Variants in DLC1 observed in about 807,000 individuals in gnomAD.
DLC1 encodes the protein DLC1 Rho GTPase activating protein, also known as rho GTPase-activating protein 7.
Under a neutral mutation model 140.3 loss-of-function variants are expected in DLC1, and 54 were observed. The ratio of observed to expected loss-of-function variants is 0.38; its 90% CI spans 0.31 to 0.48. The LOEUF (loss-of-function observed/expected upper bound fraction) is 0.48. Among genes scored for constraint, DLC1 ranks in the 20% least tolerant of loss-of-function variants. The pLI is 0.96. For missense variants in DLC1, 2,536 were observed against 1,907.0 expected (o/e 1.33, Z -6.14); for synonymous variants, 986 against 728.1 (o/e 1.35, Z -5.70).
chr8:13,579,245 C>CATACATATATATATATATATATATATAT lies in DLC1; in HGVS notation c.-126+25291_-126+25292insATATATATATATATATATATATATGTAT, dbSNP rs1554546967. Among the ~76,000 whole-genome samples the CATACATATATATATATATATATATATAT allele has an allele frequency of 2.6e-4, 5 of 18,896 alleles. 1 individual carries two copies. The highest frequency in any genetic ancestry group is 2.0e-3 in the East Asian group (1 of 488). 12.4% of individuals were successfully genotyped at this position (18,896 alleles called of 152,430 possible). On this transcript the variant is annotated intron_variant, in intron 1 of 1. Coordinates refer to the DLC1 transcript ENST00000631382. ...GGAGCTCTAATTGAGGAACAGGGAGCATATATATATATATATATATATATG... is the reference window on the plus strand; with the variant it reads ...GGAGCTCTAATTGAGGAACAGGGAGCATACATATATATATATATATATATATATATATATATATATATATATATATATG...
chr8:13,393,553 C>T lies in DLC1; in HGVS notation c.1314G>A (p.Thr438=), dbSNP rs376034663. The T allele has an allele frequency of 6.8e-6, 11 of 1,613,312 alleles. No individual in the cohort carries two copies. The highest frequency in any genetic ancestry group is 1.1e-5 in the South Asian group (1 of 90,954). ...CTCTCTGTTATTATTTAGAACTCACCGTAGTCTTGGGTTTGGTTCCAGAAT... is the reference window on the plus strand; with the variant it reads ...CTCTCTGTTATTATTTAGAACTCACTGTAGTCTTGGGTTTGGTTCCAGAAT... ...VANSGTKPKT[T]AIQGISEKEK... Residue 438 remains threonine, a splice_region_variant and synonymous_variant, in exon 4 of 18, where the codon ACG becomes ACA. Coordinates refer to ENST00000276297, the MANE Select transcript of DLC1 (RefSeq NM_182643.3).
intron 5 of DLC1, among the ~76,000 whole-genome samples, chr8:13,162,640 A>G (rs1824795985): frequency 6.6e-6 from 1 of 152,124 alleles, no homozygotes; most frequent in African/African-American, 2.4e-5. Flanking sequence ...TACAGTTTTA[A>G]ACAACTGGGT....
intron 6 of DLC1, among the ~76,000 whole-genome samples, 174 bp downstream of exon 6, chr8:13,115,412 C>T (rs1013862049): frequency 1.3e-5 from 2 of 151,980 alleles, no homozygotes; most frequent in African/African-American, 4.8e-5. Flanking sequence ...GGGCGTGTTA[C>T]CAAGGTGCTA....
intron 5 of DLC1, among the ~76,000 whole-genome samples, chr8:13,248,527 G>A (rs1829862197): frequency 6.6e-6 from 1 of 152,090 alleles, no homozygotes; most frequent in Non-Finnish European, 1.5e-5. Context: ...CTAGCCTTTT[G>A]TTCATATACT....
intron 10 of DLC1, chr8:13,095,992 C>T (rs1818468555): frequency 6.6e-6 from 1 of 152,192 alleles, no homozygotes; most frequent in Non-Finnish European, 1.5e-5. Flanking sequence ...CCCCAGGCTC[C>T]CTGGTGTCCT....
chr8:13,579,736 G>A lies in DLC1; in HGVS notation c.-126+24801C>T, dbSNP rs183833778. Among the ~76,000 whole-genome samples the A allele has an allele frequency of 6.7e-5, 10 of 149,576 alleles. No individual in the cohort carries two copies. The East Asian group carries it at 7.8e-4, about 12-fold the overall frequency. ...TTAGAGATTATTTTGGAGCAATAGC[G>A]GCTTAGGTAGCAGCAGCAGCAAAAA... On this transcript the variant is annotated intron_variant, in intron 1 of 1. Coordinates refer to the DLC1 transcript ENST00000631382.
At chr8:13,369,032 G>C (rs2117107799) in intron 4 of DLC1, among the ~76,000 whole-genome samples, 1 of 152,212 alleles carries the variant, frequency 6.6e-6, no homozygotes, top group African/African-American at 2.4e-5. Flanking sequence ...ATGTTGGTCA[G>C]GCTGGTCTCA....
intron 6 of DLC1, among the ~76,000 whole-genome samples, chr8:13,113,645 G>C (rs149071387): frequency 6.6e-6 from 1 of 152,248 alleles, no homozygotes; most frequent in African/African-American, 2.4e-5. Context: ...TGCCAATGCA[G>C]TTGTCTTTCC....
At chr8:13,172,959 A>C (rs1197466844) in intron 5 of DLC1, among the ~76,000 whole-genome samples, 1 of 152,192 alleles carries the variant, frequency 6.6e-6, no homozygotes, top group East Asian at 1.9e-4. Context: ...GGGTAACCAA[A>C]AAGTCATTAG....
chr8:13,382,650 A>C (rs181621088), intron 4 of DLC1, among the ~76,000 whole-genome samples: 1 of 152,184 alleles, frequency 6.6e-6, no homozygotes, highest in Non-Finnish European at 1.5e-5. Context: ...TGATACTACA[A>C]TAAAGAAACA....
At chr8:13,580,489 G>C (rs536620044) in intron 1 of DLC1, among the ~76,000 whole-genome samples, 2 of 152,092 alleles carry the variant, frequency 1.3e-5, no homozygotes, top group Non-Finnish European at 2.9e-5. Context: ...TGCCAGAAGG[G>C]GGCACAGACA....
At position 13,100,478 on chromosome 8, in the gene DLC1, G is replaced by T. The variant is rs1030667853; in HGVS notation, c.1859C>A (p.Ser620Tyr). 1 of 1,613,182 alleles carries T rather than the reference G, an allele frequency of 6.2e-7. No homozygotes were observed. Among genetic ancestry groups the T allele is most frequent in the Admixed American group, 1.7e-5 (1 of 60,030 alleles). Reference protein sequence around the residue: ...SEDAATPRTNSVISVCSSSNL... With the variant: ...SEDAATPRTNYVISVCSSSNL... ...GCTGGAGGAGCAAACGCTGATGACGGAGTTAGTCCGGGGGGTGGCAGCATC... is the reference window on the plus strand; with the variant it reads ...GCTGGAGGAGCAAACGCTGATGACGTAGTTAGTCCGGGGGGTGGCAGCATC... Residue 620 changes from serine to tyrosine, a missense_variant, in exon 9 of 18, where the codon TCC becomes TAC. Transcript: ENST00000276297.
intron 16 of DLC1, among the ~76,000 whole-genome samples, chr8:13,087,056 T>C (rs924924874): frequency 5.3e-5 from 8 of 152,200 alleles, no homozygotes; most frequent in Non-Finnish European, 8.8e-5. Context: ...TTTGCTCTTT[T>C]GCTCTCCCTT....
At chr8:13,409,373 G>C (rs943061384) in intron 2 of DLC1, among the ~76,000 whole-genome samples, 1 of 151,968 alleles carries the variant, frequency 6.6e-6, no homozygotes, top group Non-Finnish European at 1.5e-5. Flanking sequence ...AGCTTGTTTT[G>C]GTCTCTCAAA....
In DLC1 at chr8:13,228,292, T is replaced by TAA. The variant is rs1233874177; in HGVS notation, c.1348+76975_1348+76976dup. ...TTCTTTTTAAGGAGTTTCCCATTCA[T>TAA]AAAAAAAAAAAAAGGAAATACACAC... On this transcript the variant is annotated intron_variant, in intron 5 of 17. Transcript: ENST00000276297. Among the ~76,000 whole-genome samples the TAA allele has an allele frequency of 1.7e-4, 18 of 108,360 alleles. 1 individual carries two copies. The highest frequency in any genetic ancestry group is 2.8e-4 in the South Asian group (1 of 3,584). The allele number at this position is 108,360 out of a possible 152,430, so 71.1% of individuals were successfully genotyped here. A position where few individuals can be genotyped will look rare whatever the true frequency, so the allele number is the denominator to read the frequency against.
At chr8:13,555,172 T>A (rs1306169395) in intron 1 of DLC1, among the ~76,000 whole-genome samples, 2 of 152,236 alleles carry the variant, frequency 1.3e-5, no homozygotes, top group Non-Finnish European at 2.9e-5. Flanking sequence ...CCACTGAATT[T>A]AAAATGACAA....
Position 13,462,702 on chromosome 8 carries a change from G to A in DLC1, c.1023+36347C>T, listed in dbSNP as rs929379061. Among the ~76,000 whole-genome samples the A allele has an allele frequency of 1.1e-4, 17 of 152,088 alleles. No individual in the cohort carries two copies. The South Asian group carries it at 2.3e-3, about 20-fold the overall frequency. ...ATTACAGGCGTGAGCCACCGCGCCC[G>A]GCCTACTATTCTTATTCTTGGTAAA... is the stretch of plus-strand genomic sequence containing the variant. On this transcript the variant is annotated intron_variant, in intron 2 of 17. Transcript: ENST00000276297.
rs1563454049 is a variant in DLC1 at position 13,579,354 on chromosome 8, TA to T, written c.-126+25182del. Among the ~76,000 whole-genome samples, 20 of 31,096 alleles carry T rather than the reference TA, an allele frequency of 6.4e-4. 2 individuals are homozygous for T. Among genetic ancestry groups the T allele is most frequent in the South Asian group, 1.7e-3 (2 of 1,178 alleles). The allele number at this position is 31,096 out of a possible 152,430, so 20.4% of individuals were successfully genotyped here. On this transcript the variant is annotated intron_variant, in intron 1 of 1. Transcript: ENST00000631382. ...ATATATATATATATATATATATATA[TA>T]TATATATTTTTATATAATACATATT...
intron 4 of DLC1, among the ~76,000 whole-genome samples, chr8:13,381,588 C>G (rs911716581): frequency 1.3e-5 from 2 of 152,170 alleles, no homozygotes; most frequent in African/African-American, 4.8e-5. Flanking sequence ...AACAAAGCTT[C>G]TATGACGTAA....
Sources: gnomAD v4.1 joint callset for allele counts (sites outside exome capture counted in the v4.1 genomes callset) on GRCh38, gnomAD v4.1.1 for gene constraint, MANE v1.5 for transcripts, NCBI Gene and HGNC (gene_info 2026-07-23, HGNC 2026-07-21) for gene names.